PXDNL: variants seen among roughly 807,000 people sequenced by gnomAD.
PXDNL encodes probable oxidoreductase PXDNL.
PXDNL carries 145 observed loss-of-function variants against 150.8 expected under a neutral mutation model. The ratio of observed to expected loss-of-function variants is 0.96; its 90% CI spans 0.84 to 1.10. The LOEUF is 1.10. Ranked by LOEUF, PXDNL falls within the 50% of genes least tolerant of loss-of-function variation. The probability of loss-of-function intolerance (pLI) is 0.00; values close to 1 mark genes in which losing one functional copy is unlikely to be tolerated. For missense variants in PXDNL, 2,087 were observed against 1,873.9 expected (o/e 1.11, Z -2.10); for synonymous variants, 757 against 725.7 (o/e 1.04, Z -0.69).
intron 1 of PXDNL, among the ~76,000 whole-genome samples, chr8:51,678,311 C>T (rs942314797): frequency 4.6e-5 from 7 of 152,114 alleles, no homozygotes; most frequent in Non-Finnish European, 8.8e-5. Flanking sequence ...AAGCATAGCA[C>T]CTGCTTGTCA....
intron 3 of PXDNL, among the ~76,000 whole-genome samples, chr8:51,578,104 AAG>A (rs1380564613): frequency 8.4e-6 from 1 of 119,114 alleles, no homozygotes; most frequent in Non-Finnish European, 1.9e-5. Context: ...AAGAAAGAAA[AAG>A]AAAGAAAGAA....
intron 1 of PXDNL, among the ~76,000 whole-genome samples, chr8:51,728,286 A>G (rs1001506055): frequency 6.6e-6 from 1 of 152,244 alleles, no homozygotes; most frequent in African/African-American, 2.4e-5. Flanking sequence ...ATAATAAATG[A>G]CTATGTGACT....
At chr8:51,548,398 C>G (rs141036776) in intron 4 of PXDNL, among the ~76,000 whole-genome samples, 1 of 152,228 alleles carries the variant, frequency 6.6e-6, no homozygotes, top group Non-Finnish European at 1.5e-5. Flanking sequence ...ATCATGTTAT[C>G]TAAATTCAAG....
intron 2 of PXDNL, among the ~76,000 whole-genome samples, chr8:51,618,918 C>G (rs116365857): frequency 6.6e-6 from 1 of 152,182 alleles, no homozygotes; most frequent in African/African-American, 2.4e-5. Context: ...CATTCTTTTA[C>G]GCAGGCAGAT....
intron 3 of PXDNL, among the ~76,000 whole-genome samples, chr8:51,580,651 T>G (rs865971728): frequency 6.6e-6 from 1 of 152,194 alleles, no homozygotes. Flanking sequence ...CATGTGTAAG[T>G]ACCAGAGACT....
At chr8:51,428,971 A>AAATCCAACAGTATATAGTTCAATTATAT (rs61524441) in intron 12 of PXDNL, among the ~76,000 whole-genome samples, 1 of 150,942 alleles carries the variant, frequency 6.6e-6, no homozygotes, top group Admixed American at 6.6e-5. Flanking sequence ...AAAATATATA[A>AAATCCAACAGTATATAGTTCAATTATAT]AGAACCCAAA....
chr8:51,567,222 T>C (rs900149777), intron 3 of PXDNL, among the ~76,000 whole-genome samples: 1 of 151,832 alleles, frequency 6.6e-6, no homozygotes, highest in South Asian at 2.1e-4. Flanking sequence ...GAATGTTCTA[T>C]GTGAGCTTGA....
chr8:51,625,975 AC>A (rs1238954035), intron 2 of PXDNL, among the ~76,000 whole-genome samples: 2 of 152,234 alleles, frequency 1.3e-5, no homozygotes, highest in Non-Finnish European at 1.5e-5. Context: ...ATTTCATTGT[AC>A]CATACCAGAA....
At chr8:51,650,391 G>A (rs760154875) in intron 2 of PXDNL, among the ~76,000 whole-genome samples, 3 of 152,052 alleles carry the variant, frequency 2.0e-5, no homozygotes, top group Non-Finnish European at 4.4e-5. Context: ...TGCCATGATC[G>A]AGTATAAAAG....
chr8:51,515,573 C>T (rs1014773838), intron 4 of PXDNL, among the ~76,000 whole-genome samples: 1 of 152,182 alleles, frequency 6.6e-6, no homozygotes, highest in African/African-American at 2.4e-5. Context: ...CATTCCTTGC[C>T]TTCATTTTCT....
At chr8:51,513,511 T>A (rs1811469608) in intron 4 of PXDNL, among the ~76,000 whole-genome samples, 1 of 152,210 alleles carries the variant, frequency 6.6e-6, no homozygotes, top group African/African-American at 2.4e-5. Context: ...AAGCATGGCA[T>A]TTGATTACTA....
chr8:51,354,123 A>G (rs1350627834), intron 19 of PXDNL, among the ~76,000 whole-genome samples: 1 of 152,106 alleles, frequency 6.6e-6, no homozygotes, highest in Admixed American at 6.5e-5. Context: ...AGTGATCTGC[A>G]GAGCATATAT....
At chr8:51,536,899 T>C (rs879933847) in intron 4 of PXDNL, among the ~76,000 whole-genome samples, 1 of 152,206 alleles carries the variant, frequency 6.6e-6, no homozygotes, top group Non-Finnish European at 1.5e-5. Flanking sequence ...CTTCTATTTC[T>C]TAGGTACCTG....
At chr8:51,690,420 T>C (rs1217995885) in intron 1 of PXDNL, among the ~76,000 whole-genome samples, 1 of 152,090 alleles carries the variant, frequency 6.6e-6, no homozygotes, top group African/African-American at 2.4e-5. Flanking sequence ...ACATGTGGTG[T>C]TTGGTTTTTT....
chr8:51,606,412 C>A (rs934680283), intron 2 of PXDNL, among the ~76,000 whole-genome samples: 1 of 152,286 alleles, frequency 6.6e-6, no homozygotes, highest in African/African-American at 2.4e-5. Context: ...ACATAGGACA[C>A]TTTCTGTTTG....
intron 1 of PXDNL, among the ~76,000 whole-genome samples, chr8:51,715,882 C>T (rs1034293229): frequency 6.6e-6 from 1 of 151,744 alleles, no homozygotes; most frequent in Admixed American, 6.6e-5. Flanking sequence ...CAGTAAATGA[C>T]ATTACCTGAA....
chr8:51,355,935 T>C (rs987759268), intron 19 of PXDNL, among the ~76,000 whole-genome samples: 1 of 152,182 alleles, frequency 6.6e-6, no homozygotes, highest in African/African-American at 2.4e-5. Flanking sequence ...CTATGTTAAC[T>C]ACTGGTGAAA....
rs573361116 is a variant in PXDNL, at chr8:51,756,661, A to T, written c.164+52520T>A. On this transcript the variant is annotated intron_variant, in intron 1 of 22. Transcript: ENST00000356297. ...ATATTTTACAGCTATGTTACTTTAGATGTATCACATGAAATATCTTTCAAT... is the reference window on the plus strand; with the variant it reads ...ATATTTTACAGCTATGTTACTTTAGTTGTATCACATGAAATATCTTTCAAT... Among the ~76,000 whole-genome samples, 13 of 152,178 alleles carry T rather than the reference A, an allele frequency of 8.5e-5. No homozygotes were observed. The East Asian group carries it at 2.5e-3, about 29-fold the overall frequency.
intron 1 of PXDNL, among the ~76,000 whole-genome samples, chr8:51,741,477 A>T (rs2036906075): frequency 1.3e-5 from 2 of 152,100 alleles, no homozygotes. Flanking sequence ...AGACAAGTTT[A>T]TTCTAAGTTT....
Sources: gnomAD v4.1 joint callset for allele counts (sites outside exome capture counted in the v4.1 genomes callset) on GRCh38, gnomAD v4.1.1 for gene constraint, MANE v1.5 for transcripts, NCBI Gene and HGNC (gene_info 2026-07-23, HGNC 2026-07-21) for gene names.